Variants in NBEA observed in about 807,000 individuals in gnomAD.
NBEA encodes the protein lysosomal-trafficking regulator 2.
In NBEA, 44 loss-of-function variants were observed where a neutral mutation model predicts 343.4. The observed-to-expected ratio is 0.13, with a 90% CI of 0.10 to 0.16. The LOEUF (loss-of-function observed/expected upper bound fraction) is 0.16. NBEA is among the 10% of genes least tolerant of loss of function. NBEA has a pLI of 1.00. For synonymous variants in NBEA, 1,175 were observed against 1,238.7 expected (o/e 0.95, Z 1.08); for missense variants, 2,555 against 3,631.3 (o/e 0.70, Z 7.62).
intron 1 of NBEA, among the ~76,000 whole-genome samples, chr13:35,035,688 G>A (rs909064422): frequency 2.0e-5 from 3 of 151,954 alleles, no homozygotes; most frequent in African/African-American, 4.8e-5. Context: ...ATGTCTGGGT[G>A]CTCCAGTGTT....
intron 33 of NBEA, among the ~76,000 whole-genome samples, chr13:35,227,394 A>G (rs898015199): frequency 1.3e-5 from 2 of 152,096 alleles, no homozygotes; most frequent in Non-Finnish European, 2.9e-5. Context: ...TGTTTATTCT[A>G]TCATTAATAC....
At chr13:34,963,588 T>G (rs2059728071) in intron 1 of NBEA, among the ~76,000 whole-genome samples, 1 of 151,966 alleles carries the variant, frequency 6.6e-6, no homozygotes, top group Non-Finnish European at 1.5e-5. Flanking sequence ...AAATGTAAGG[T>G]CTTTTATTAG....
At chr13:35,476,169 A>G (rs764314632) in intron 41 of NBEA, 2 of 1,612,090 alleles carry the variant, frequency 1.2e-6, no homozygotes, top group Non-Finnish European at 1.7e-6. Flanking sequence ...TGTACACCGG[A>G]GTCTCGCAGT....
intron 36 of NBEA, among the ~76,000 whole-genome samples, chr13:35,324,216 C>T (rs900584746): frequency 6.6e-6 from 1 of 152,146 alleles, no homozygotes; most frequent in Non-Finnish European, 1.5e-5. Flanking sequence ...ATAAGATGAG[C>T]AGGACAGATA....
At chr13:35,626,675 AT>A (rs1233446892) in intron 48 of NBEA, among the ~76,000 whole-genome samples, 1 of 152,156 alleles carries the variant, frequency 6.6e-6, no homozygotes, top group Non-Finnish European at 1.5e-5. Context: ...TTAGACTGAC[AT>A]TTTTTCTTAA....
intron 34 of NBEA, among the ~76,000 whole-genome samples, chr13:35,261,330 G>T (rs1282412688): frequency 6.6e-6 from 1 of 152,096 alleles, no homozygotes; most frequent in South Asian, 2.1e-4. Flanking sequence ...TGGCCAACAT[G>T]ATGAAACCCT....
At chr13:35,134,078 C>T (rs73500501) in intron 17 of NBEA, among the ~76,000 whole-genome samples, 1 of 151,902 alleles carries the variant, frequency 6.6e-6, no homozygotes, top group Admixed American at 6.6e-5. Flanking sequence ...GAAGGACATT[C>T]TGTATTTTGA....
At chr13:35,177,631 A>G (rs529300301) in intron 28 of NBEA, among the ~76,000 whole-genome samples, 133 of 151,980 alleles carry the variant, frequency 8.8e-4, no homozygotes, top group Admixed American at 6.6e-3. Context: ...GAACCCTCCA[A>G]TCTTATGATC....
chr13:34,999,862 A>G (rs947018263), intron 1 of NBEA, among the ~76,000 whole-genome samples: 1 of 152,088 alleles, frequency 6.6e-6, no homozygotes, highest in East Asian at 1.9e-4. Flanking sequence ...CAGGCATTCT[A>G]TTTCAAAGCC....
chr13:35,431,816 C>G (rs1321532952), intron 38 of NBEA, among the ~76,000 whole-genome samples: 1 of 152,094 alleles, frequency 6.6e-6, no homozygotes, highest in East Asian at 1.9e-4. Context: ...TTTTATACTT[C>G]TTAATTCAGC....
chr13:35,176,204 T>A (rs755415382), intron 27 of NBEA, among the ~76,000 whole-genome samples: 1 of 152,070 alleles, frequency 6.6e-6, no homozygotes, highest in Non-Finnish European at 1.5e-5. Context: ...AATCAAACAT[T>A]TTAATTTTGG....
At chr13:35,092,654 A>G (rs764598819) in intron 10 of NBEA, among the ~76,000 whole-genome samples, 14 of 152,084 alleles carry the variant, frequency 9.2e-5, no homozygotes, top group Admixed American at 6.6e-4. Context: ...TTAAAACTAT[A>G]TAAAACCATT....
chr13:35,655,575 G>T lies in NBEA; in HGVS notation c.8192-4G>T. The stretch of plus-strand genomic sequence containing the variant: ...GAAGCAAACCTGTCATTTCTGTGTT[G>T]CAGGGAAATTGACTCAGATTGTATT... On this transcript the variant is annotated splice_polypyrimidine_tract_variant and splice_region_variant and intron_variant, in intron 54 of 58. Coordinates refer to ENST00000379939, the MANE Select transcript of NBEA (RefSeq NM_001385012.1). 6.2e-7 allele frequency: 1 copy of T among 1,611,432 alleles called. No homozygotes were observed. Among genetic ancestry groups the T allele is most frequent in the Non-Finnish European group, 8.5e-7 (1 of 1,178,368 alleles).
At chr13:35,492,896 C>A (rs2076549004) in intron 41 of NBEA, among the ~76,000 whole-genome samples, 1 of 151,774 alleles carries the variant, frequency 6.6e-6, no homozygotes, top group African/African-American at 2.4e-5. Context: ...CTTTACCTGG[C>A]AACCCTAGAT....
chr13:35,419,937 A>G (rs7998035), intron 38 of NBEA, among the ~76,000 whole-genome samples: 2,233 of 152,180 alleles, frequency 0.015, 70 homozygotes, highest in African/African-American at 0.051. Flanking sequence ...CACTGCTAGT[A>G]TATAGAAATA....
At chr13:35,548,062 T>C (rs1388870698) in intron 41 of NBEA, among the ~76,000 whole-genome samples, 1 of 152,110 alleles carries the variant, frequency 6.6e-6, no homozygotes, top group Non-Finnish European at 1.5e-5. Flanking sequence ...GCCTGCCAAG[T>C]GAGAACACCA....
intron 31 of NBEA, among the ~76,000 whole-genome samples, chr13:35,206,673 C>A (rs762979152): frequency 5.3e-5 from 8 of 152,118 alleles, no homozygotes; most frequent in Non-Finnish European, 1.2e-4. Context: ...TGATTATTAA[C>A]ATTTATAATA....
intron 36 of NBEA, among the ~76,000 whole-genome samples, chr13:35,325,478 A>G (rs1287291928): frequency 6.6e-6 from 1 of 152,032 alleles, no homozygotes; most frequent in Non-Finnish European, 1.5e-5. Flanking sequence ...GAAATAGAAG[A>G]GGAGGTAATG....
chr13:35,566,608 G>A (rs2080150367), intron 44 of NBEA, among the ~76,000 whole-genome samples: 1 of 152,106 alleles, frequency 6.6e-6, no homozygotes, highest in East Asian at 1.9e-4. Context: ...TAAATCCTGT[G>A]GCCAGAGCTA....
Sources: allele counts gnomAD v4.1 joint callset (sites outside exome capture counted in the v4.1 genomes callset), GRCh38; gene constraint gnomAD v4.1.1; transcripts MANE v1.5; gene names NCBI Gene and HGNC (gene_info 2026-07-23, HGNC 2026-07-21).